OSTM1: variants seen among roughly 807,000 people sequenced by gnomAD.
OSTM1 encodes the protein osteoclastogenesis associated transmembrane protein 1, also known as osteopetrosis-associated transmembrane protein 1.
Under a neutral mutation model 35.4 loss-of-function variants are expected in OSTM1, and 26 were observed. The observed-to-expected ratio is 0.73, with a 90% CI of 0.54 to 1.02. OSTM1 has a LOEUF of 1.02. Ranked by LOEUF, OSTM1 falls within the 50% of genes least tolerant of loss-of-function variation. The pLI is 0.00. For synonymous variants in OSTM1, 181 were observed against 165.0 expected, an observed-to-expected ratio of 1.10 and a Z score of -0.75; for missense variants, 366 against 409.6, an observed-to-expected ratio of 0.89 and a Z score of 0.92.
At chr6:108,052,964 A>T (rs1772105241) in intron 3 of OSTM1, among the ~76,000 whole-genome samples, 1 of 152,084 alleles carries the variant, frequency 6.6e-6, no homozygotes, top group African/African-American at 2.4e-5. Flanking sequence ...GAACCAATGA[A>T]CTCAGTTTCC....
chr6:108,074,687 C>T lies in OSTM1; in HGVS notation c.-36G>A. 5 of 1,497,272 alleles carry T rather than the reference C, an allele frequency of 3.3e-6. No homozygotes were observed. Among genetic ancestry groups the T allele is most frequent in the Non-Finnish European group, 4.4e-6 (5 of 1,129,532 alleles). 92.7% of individuals were successfully genotyped at this position (1,497,272 alleles called of 1,614,324 possible). A position where few individuals can be genotyped will look rare whatever the true frequency, so the allele number is the denominator to read the frequency against. On this transcript the variant is annotated 5_prime_UTR_variant, in exon 1 of 6. Coordinates refer to ENST00000193322, the MANE Select transcript of OSTM1 (RefSeq NM_014028.4). The stretch of plus-strand genomic sequence containing the variant: ...ACACACCCCAGGGAGCCCACCGCCG[C>T]CTCTCCGCCCCCAGCCGGCACCGCG...
intron 1 of OSTM1, among the ~76,000 whole-genome samples, chr6:108,071,936 T>C (rs1772493100): frequency 6.6e-6 from 1 of 152,176 alleles, no homozygotes; most frequent in Admixed American, 6.5e-5. Context: ...GAAGCCTCCT[T>C]TGGGTAGTGG....
rs1771888353 is a variant in OSTM1, at chr6:108,042,434, GAGACAAGGTCT to G, written c.*2340_*2350del. ...TTTTTCTTTTTTTTTTTTTTTTTTT[GAGACAAGGTCT>G]GGCTCTGTCGCCCAGGTTGGAATGC... On this transcript the variant is annotated 3_prime_UTR_variant, in exon 6 of 6. Coordinates refer to ENST00000193322, the MANE Select transcript of OSTM1 (RefSeq NM_014028.4). 1.8e-5 allele frequency: 1 copy of G among 56,080 alleles called. No individual in the cohort carries two copies. The highest frequency in any genetic ancestry group is 3.4e-5 in the Non-Finnish European group (1 of 29,322). The allele number at this position is 56,080 out of a possible 1,614,324, so 3.5% of individuals were successfully genotyped here. A position where few individuals can be genotyped will look rare whatever the true frequency, so the allele number is the denominator to read the frequency against.
chr6:108,043,964 T>C lies in OSTM1; in HGVS notation c.*821A>G, dbSNP rs1427138403. ...TTAAAAAATGACAATTTAAATACAGTGTGATAATGCTACATTTGATTTAAA... is the reference window on the plus strand; with the variant it reads ...TTAAAAAATGACAATTTAAATACAGCGTGATAATGCTACATTTGATTTAAA... On this transcript the variant is annotated 3_prime_UTR_variant, in exon 6 of 6. Transcript: ENST00000193322. The C allele has an allele frequency of 6.6e-6, 1 of 152,496 alleles. No individual in the cohort carries two copies. The highest frequency in any genetic ancestry group is 1.9e-4 in the East Asian group (1 of 5,200). The allele number at this position is 152,496 out of a possible 1,614,324, so 9.4% of individuals were successfully genotyped here.
intron 4 of OSTM1, 200 bp from the exon 5 acceptor site, chr6:108,049,618 T>A (rs1772041994): frequency 1.5e-6 from 2 of 1,306,602 alleles, no homozygotes; most frequent in South Asian, 3.3e-5. Context: ...GAAATTTATA[T>A]CCATACAGAA....
At chr6:108,049,441 C>T (rs1772039482) in intron 4 of OSTM1, 23 bp from the exon 5 acceptor site, 1 of 1,610,278 alleles carries the variant, frequency 6.2e-7, no homozygotes, top group South Asian at 1.1e-5. Flanking sequence ...CAAACAATAT[C>T]TTTCTATTTT....
intron 2 of OSTM1, among the ~76,000 whole-genome samples, chr6:108,061,837 T>C (rs777678279): frequency 4.6e-4 from 70 of 151,484 alleles, no homozygotes; most frequent in Non-Finnish European, 8.5e-4. Flanking sequence ...GCCTCCCCAC[T>C]GAGCCAAAAA....
Position 108,054,671 on chromosome 6 carries a change from G to A in OSTM1, c.518-84C>T, listed in dbSNP as rs375756435. On this transcript the variant is annotated intron_variant, in intron 2 of 5. Coordinates refer to ENST00000193322, the MANE Select transcript of OSTM1 (RefSeq NM_014028.4). The stretch of plus-strand genomic sequence containing the variant: ...ATTTATATCTTAAGCTATCAGCTTC[G>A]TTTCACACTACAGTAATTCTTTATT... 3.0e-5 allele frequency: 20 copies of A among 665,208 alleles called. 1 individual carries two copies. The East Asian group carries it at 4.2e-4, about 14-fold the overall frequency. The allele number at this position is 665,208 out of a possible 1,614,324, so 41.2% of individuals were successfully genotyped here.
chr6:108,069,632 T>G (rs1772447307), intron 1 of OSTM1, among the ~76,000 whole-genome samples: 1 of 152,204 alleles, frequency 6.6e-6, no homozygotes, highest in African/African-American at 2.4e-5. Context: ...CCGATAATGC[T>G]GAATCACAAT....
chr6:108,054,290 C>T (rs1358914322), intron 3 of OSTM1, among the ~76,000 whole-genome samples, 200 bp downstream of exon 3: 2 of 152,116 alleles, frequency 1.3e-5, no homozygotes, highest in Admixed American at 1.3e-4. Context: ...GATATTATCT[C>T]CATTTTACAA....
At chr6:108,060,661 G>C (rs1231337692) in intron 2 of OSTM1, among the ~76,000 whole-genome samples, 1 of 152,208 alleles carries the variant, frequency 6.6e-6, no homozygotes, top group Non-Finnish European at 1.5e-5. Context: ...GGAGGCTACA[G>C]TGAGCTGAGA....
intron 1 of OSTM1, among the ~76,000 whole-genome samples, chr6:108,069,001 A>G (rs9374020): frequency 0.041 from 6,190 of 152,048 alleles, 433 homozygotes; most frequent in Admixed American, 0.19. Flanking sequence ...CTATTTCTTT[A>G]CATGTATACC....
At position 108,048,749 on chromosome 6, in the gene OSTM1, C is replaced by CTTT. The variant is rs575605197; in HGVS notation, c.949+501_949+503dup. ...TCATCTGAAAGACACTGTGTTTTAA[C>CTTT]TTTTTTTTTTTTTTTTTTTTTTGAG... On this transcript the variant is annotated intron_variant, in intron 5 of 5. Coordinates refer to ENST00000193322, the MANE Select transcript of OSTM1 (RefSeq NM_014028.4). Among the ~76,000 whole-genome samples the CTTT allele has an allele frequency of 6.1e-3, 686 of 111,750 alleles. 18 individuals carry two copies. Among genetic ancestry groups the CTTT allele is most frequent in the African/African-American group, 9.3e-3 (251 of 27,060 alleles). 73.3% of individuals were successfully genotyped at this position (111,750 alleles called of 152,430 possible).
At chr6:108,054,962 C>G (rs1337825427) in intron 2 of OSTM1, among the ~76,000 whole-genome samples, 1 of 152,200 alleles carries the variant, frequency 6.6e-6, no homozygotes, top group Non-Finnish European at 1.5e-5. Flanking sequence ...TATGCCTTAT[C>G]ATTTTTTGTG....
chr6:108,067,898 T>C (rs1042696228), intron 1 of OSTM1, among the ~76,000 whole-genome samples: 12 of 151,670 alleles, frequency 7.9e-5, no homozygotes, highest in Non-Finnish European at 1.6e-4. Context: ...ACATTGCTCT[T>C]TAGTGACTTC....
chr6:108,043,171 C>G lies in OSTM1; in HGVS notation c.*1614G>C, dbSNP rs895311649. On this transcript the variant is annotated 3_prime_UTR_variant, in exon 6 of 6. Coordinates refer to ENST00000193322, the MANE Select transcript of OSTM1 (RefSeq NM_014028.4). ...CAGAATTGAACATGTCATTTTCTAA[C>G]TCTGCACATGTAAACTTGTTTTATC... The G allele has an allele frequency of 6.6e-6, 1 of 152,208 alleles. No individual in the cohort carries two copies. The highest frequency in any genetic ancestry group is 1.5e-5 in the Non-Finnish European group (1 of 68,030). The allele number at this position is 152,208 out of a possible 1,614,324, so 9.4% of individuals were successfully genotyped here. A position where few individuals can be genotyped will look rare whatever the true frequency, so the allele number is the denominator to read the frequency against.
chr6:108,048,895 G>A (rs1772028281), intron 5 of OSTM1, among the ~76,000 whole-genome samples: 1 of 151,594 alleles, frequency 6.6e-6, no homozygotes. Context: ...GGAACTACAG[G>A]CATGCGCCAT....
intron 5 of OSTM1, among the ~76,000 whole-genome samples, 167 bp from the exon 6 acceptor site, chr6:108,045,007 C>T (rs1191509285): frequency 6.6e-6 from 1 of 151,986 alleles, no homozygotes; most frequent in Non-Finnish European, 1.5e-5. Context: ...TTCTACCAAC[C>T]TTAAAAACAC....
At chr6:108,068,880 C>T (rs560061568) in intron 1 of OSTM1, among the ~76,000 whole-genome samples, 1 of 152,316 alleles carries the variant, frequency 6.6e-6, no homozygotes, top group Non-Finnish European at 1.5e-5. Flanking sequence ...CATGACCTGG[C>T]ACCTGTGTAC....
Sources: allele counts gnomAD v4.1 joint callset (sites outside exome capture counted in the v4.1 genomes callset), GRCh38; gene constraint gnomAD v4.1.1; transcripts MANE v1.5; gene names NCBI Gene and HGNC (gene_info 2026-07-23, HGNC 2026-07-21).